IGF2BP2: variants seen among roughly 807,000 people sequenced by gnomAD.
IGF2BP2 encodes insulin-like growth factor 2 mRNA-binding protein 2.
IGF2BP2 carries 17 observed loss-of-function variants against 75.8 expected under a neutral mutation model. The ratio of observed to expected loss-of-function variants is 0.22; its 90% CI spans 0.15 to 0.34. IGF2BP2 has a LOEUF of 0.34. Among genes scored for constraint, IGF2BP2 ranks in the 10% least tolerant of loss-of-function variants. The probability of loss-of-function intolerance (pLI) is 1.00; values close to 1 mark genes in which losing one functional copy is unlikely to be tolerated. For missense variants in IGF2BP2, 516 were observed against 772.4 expected (o/e 0.67, Z 3.93); for synonymous variants, 288 against 295.6 (o/e 0.97, Z 0.26).
rs1211948950 is a variant in IGF2BP2, at chr3:185,665,500, GAGA to G, written c.1200+7038_1200+7040del. On this transcript the variant is annotated intron_variant, in intron 10 of 15. Transcript: ENST00000382199. Reference sequence around the variant, plus strand: ...GGAGAAGAAGGAGGAGAAGGAGGAGGAGAAGGAGGAGGAGGAGAAGGAGGAGGA... The same window carrying G: ...GGAGAAGAAGGAGGAGAAGGAGGAGGAGGAGGAGGAGGAGAAGGAGGAGGA... Among the ~76,000 whole-genome samples, 295 of 37,104 alleles carry G rather than the reference GAGA, an allele frequency of 8.0e-3. 20 individuals carry two copies. Among genetic ancestry groups the G allele is most frequent in the African/African-American group, 0.049 (245 of 4,968 alleles). The allele number at this position is 37,104 out of a possible 152,430, so 24.3% of individuals were successfully genotyped here.
intron 2 of IGF2BP2, among the ~76,000 whole-genome samples, chr3:185,803,737 C>T (rs1336395525): frequency 6.6e-6 from 1 of 152,274 alleles, no homozygotes; most frequent in Middle Eastern, 3.4e-3. Context: ...TAGGACAGAA[C>T]TGAAATTAAT....
chr3:185,759,260 GA>G (rs1277624362), intron 2 of IGF2BP2, among the ~76,000 whole-genome samples: 1 of 152,100 alleles, frequency 6.6e-6, no homozygotes, highest in Non-Finnish European at 1.5e-5. Context: ...AAGAGAAACG[GA>G]AAAAAAGTAT....
In IGF2BP2 at chr3:185,689,338, G is replaced by A. The variant is rs373375263; in HGVS notation, c.677+17C>T. ...GACCCCTCAGAAGGAAGCAAAGGAA[G>A]CCCCACAGGCACGTACCGGGACTGG... On this transcript the variant is annotated intron_variant, in intron 6 of 15. Transcript: ENST00000382199. The A allele has an allele frequency of 3.1e-6, 5 of 1,608,138 alleles. No individual in the cohort carries two copies. Among genetic ancestry groups the A allele is most frequent in the Non-Finnish European group, 4.2e-6 (5 of 1,178,182 alleles).
At chr3:185,721,974 G>A in intron 2 of IGF2BP2, 1 of 255,144 alleles carries the variant, frequency 3.9e-6, no homozygotes, top group Non-Finnish European at 7.7e-6. Flanking sequence ...AGCATCCTTG[G>A]CAGTTCTTAG....
In IGF2BP2 at chr3:185,761,571, A is replaced by G. The variant is rs144668827; in HGVS notation, c.239+61582T>C. On this transcript the variant is annotated intron_variant, in intron 2 of 15. Coordinates refer to ENST00000382199, the MANE Select transcript of IGF2BP2 (RefSeq NM_006548.6). ...TGGTTGCTTTACTCTTGCCAAAAGA[A>G]AAATATCCTGTAAGGAGAAACATTA... 1.3e-3 allele frequency among the ~76,000 whole-genome samples: 196 copies of G among 152,292 alleles called. 2 individuals carry two copies. Among genetic ancestry groups the G allele is most frequent in the African/African-American group, 4.4e-3 (184 of 41,560 alleles).
intron 7 of IGF2BP2, among the ~76,000 whole-genome samples, chr3:185,677,058 T>TAG (rs1560276099): frequency 3.7e-4 from 20 of 54,534 alleles, no homozygotes; most frequent in African/African-American, 1.5e-3. Context: ...TATATATATA[T>TAG]ATATATATAT....
chr3:185,702,982 G>A (rs1488732718), intron 2 of IGF2BP2, among the ~76,000 whole-genome samples: 1 of 152,186 alleles, frequency 6.6e-6, no homozygotes, highest in Non-Finnish European at 1.5e-5. Flanking sequence ...TTCGGATTCA[G>A]GAAGTTAGAA....
At chr3:185,736,485 T>A (rs145133919) in intron 2 of IGF2BP2, among the ~76,000 whole-genome samples, 23 of 152,330 alleles carry the variant, frequency 1.5e-4, no homozygotes, top group African/African-American at 4.8e-4. Flanking sequence ...CGGCTCCCCT[T>A]CTTGGGGACA....
At chr3:185,719,269 G>C (rs982694825) in intron 2 of IGF2BP2, among the ~76,000 whole-genome samples, 1 of 152,124 alleles carries the variant, frequency 6.6e-6, no homozygotes, top group African/African-American at 2.4e-5. Flanking sequence ...AAGGATAGTG[G>C]GGCATGACAA....
At chr3:185,715,779 GA>G (rs1725517875) in intron 2 of IGF2BP2, among the ~76,000 whole-genome samples, 1 of 152,032 alleles carries the variant, frequency 6.6e-6, no homozygotes, top group African/African-American at 2.4e-5. Flanking sequence ...AAGTAGCTGG[GA>G]TTACCAGCAC....
intron 2 of IGF2BP2, among the ~76,000 whole-genome samples, chr3:185,776,733 G>A (rs1358850289): frequency 2.0e-5 from 3 of 152,016 alleles, no homozygotes; most frequent in Non-Finnish European, 4.4e-5. Flanking sequence ...GAGTGCAAGG[G>A]AGAAAAAAAG....
intron 3 of IGF2BP2, among the ~76,000 whole-genome samples, chr3:185,697,394 T>C (rs1477490312): frequency 6.6e-6 from 1 of 151,226 alleles, no homozygotes; most frequent in Non-Finnish European, 1.5e-5. Context: ...GCGTGAGCCA[T>C]CACGCCCAGG....
intron 2 of IGF2BP2, among the ~76,000 whole-genome samples, chr3:185,712,984 G>A (rs963316036): frequency 6.6e-6 from 1 of 151,988 alleles, no homozygotes; most frequent in African/African-American, 2.4e-5. Flanking sequence ...TACAATATCT[G>A]GTGTCCAGAT....
chr3:185,759,493 AAGGAGAATC>A (rs1382521768), intron 2 of IGF2BP2, among the ~76,000 whole-genome samples: 1 of 152,190 alleles, frequency 6.6e-6, no homozygotes, highest in African/African-American at 2.4e-5. Context: ...ACTGAAGAGA[AAGGAGAATC>A]AGGAGAAAAT....
At chr3:185,687,752 A>G (rs911096390) in intron 6 of IGF2BP2, among the ~76,000 whole-genome samples, 4 of 152,226 alleles carry the variant, frequency 2.6e-5, no homozygotes, top group Non-Finnish European at 5.9e-5. Context: ...TGATGACTTT[A>G]TCAGACTTCT....
In IGF2BP2 at chr3:185,647,506, C is replaced by T. The variant is rs181841596; in HGVS notation, c.1594-368G>A. Among the ~76,000 whole-genome samples, 5 of 152,152 alleles carry T rather than the reference C, an allele frequency of 3.3e-5. No individual in the cohort carries two copies. The East Asian group carries it at 7.8e-4, about 24-fold the overall frequency. On this transcript the variant is annotated intron_variant, in intron 14 of 15. Transcript: ENST00000382199. The surrounding 1 kb of genome is among the most constrained non-coding windows in gnomAD (Gnocchi z 4.9). ...ACCCCTACCCTGTAAGATCATTCCT[C>T]CTGGACATGCTGTCCTGGGTGCTGA...
intron 1 of IGF2BP2, among the ~76,000 whole-genome samples, chr3:185,824,346 C>T (rs1053678179): frequency 3.0e-5 from 4 of 135,006 alleles, no homozygotes; most frequent in Non-Finnish European, 6.3e-5. Context: ...AAGGTCCGGC[C>T]GGGGGAGGAG....
At chr3:185,715,422 C>G (rs1009345289) in intron 2 of IGF2BP2, among the ~76,000 whole-genome samples, 1 of 152,194 alleles carries the variant, frequency 6.6e-6, no homozygotes, top group African/African-American at 2.4e-5. Flanking sequence ...CACACAGAGT[C>G]AGTACACGCC....
intron 5 of IGF2BP2, 75 bp downstream of exon 5, chr3:185,692,623 TA>T: frequency 7.7e-7 from 1 of 1,305,022 alleles, no homozygotes; most frequent in Non-Finnish European, 1.1e-6. Context: ...AGAAAACATT[TA>T]AAAACACAGA....
Sources: allele counts gnomAD v4.1 joint callset (sites outside exome capture counted in the v4.1 genomes callset), GRCh38; gene constraint gnomAD v4.1.1; non-coding constraint Gnocchi (gnomAD v3.1); transcripts MANE v1.5; gene names NCBI Gene and HGNC (gene_info 2026-07-23, HGNC 2026-07-21).